The following TRPM3 variants were observed in gnomAD, a reference collection of about 807,000 sequenced individuals.
TRPM3 encodes transient receptor potential cation channel subfamily M member 3.
In TRPM3, 77 loss-of-function variants were observed where a neutral mutation model predicts 181.2. The observed-to-expected ratio is 0.42, with a 90% CI of 0.35 to 0.51. The LOEUF is 0.51. Among genes scored for constraint, TRPM3 ranks in the 20% least tolerant of loss-of-function variants. The pLI is 0.01. For missense variants in TRPM3, 1,759 were observed against 2,196.7 expected, an observed-to-expected ratio of 0.80 and a Z score of 3.98; for synonymous variants, 745 against 796.4, an observed-to-expected ratio of 0.94 and a Z score of 1.09.
intron 1 of TRPM3, among the ~76,000 whole-genome samples, chr9:71,148,612 C>T (rs549481274): frequency 6.6e-6 from 1 of 152,144 alleles, no homozygotes; most frequent in South Asian, 2.1e-4. Flanking sequence ...ACCAAGAAAA[C>T]ATGAACCAAG....
At chr9:70,600,119 G>A (rs1255178558) in intron 20 of TRPM3, among the ~76,000 whole-genome samples, 2 of 152,128 alleles carry the variant, frequency 1.3e-5, no homozygotes, top group African/African-American at 4.8e-5. Context: ...TCTATGAAAT[G>A]CACAGCTGGA....
intron 1 of TRPM3, among the ~76,000 whole-genome samples, chr9:71,169,529 C>A (rs985224638): frequency 6.6e-6 from 1 of 152,102 alleles, no homozygotes; most frequent in Admixed American, 6.5e-5. Context: ...AAACATATTT[C>A]GAGGCAGGTG....
chr9:70,950,722 A>G (rs2096988749), intron 1 of TRPM3, among the ~76,000 whole-genome samples: 1 of 152,156 alleles, frequency 6.6e-6, no homozygotes, highest in Admixed American at 6.5e-5. Flanking sequence ...TAAGAAGCCA[A>G]AAAGACCTGC....
At chr9:71,130,214 ATATAT>A (rs1354027213) in intron 1 of TRPM3, among the ~76,000 whole-genome samples, 3 of 152,210 alleles carry the variant, frequency 2.0e-5, no homozygotes, top group Non-Finnish European at 2.9e-5. Flanking sequence ...TAAACTCTTG[ATATAT>A]TATATAAGGT....
chr9:71,301,665 G>A (rs552063322), intron 1 of TRPM3, among the ~76,000 whole-genome samples: 1 of 152,252 alleles, frequency 6.6e-6, no homozygotes, highest in African/African-American at 2.4e-5. Context: ...TAAGGGGAAA[G>A]AATACATGAA....
chr9:71,374,211 T>C (rs1309374797), intron 1 of TRPM3, among the ~76,000 whole-genome samples: 1 of 151,824 alleles, frequency 6.6e-6, no homozygotes, highest in Non-Finnish European at 1.5e-5. Context: ...CCATCTCTAC[T>C]AAAAATACAA....
At chr9:71,408,140 G>T (rs1185121108) in intron 1 of TRPM3, among the ~76,000 whole-genome samples, 1 of 152,174 alleles carries the variant, frequency 6.6e-6, no homozygotes, top group Admixed American at 6.5e-5. Flanking sequence ...CCACAAAGAT[G>T]GGGAGAAACC....
intron 1 of TRPM3, among the ~76,000 whole-genome samples, chr9:71,023,345 C>T (rs556677142): frequency 1.3e-5 from 2 of 152,084 alleles, no homozygotes; most frequent in Admixed American, 6.5e-5. Flanking sequence ...ATACTAAATG[C>T]TAGTAAGGAT....
intron 1 of TRPM3, among the ~76,000 whole-genome samples, chr9:71,275,235 C>A (rs2084104236): frequency 6.6e-6 from 1 of 152,118 alleles, no homozygotes; most frequent in Non-Finnish European, 1.5e-5. Context: ...TAAATCATTT[C>A]AATTTCTATT....
At position 70,531,294 on chromosome 9, in the gene TRPM3, A is replaced by G. The variant is rs545319535; in HGVS notation, c.*4659T>C. The G allele has an allele frequency of 6.6e-6, 1 of 152,342 alleles. No homozygotes were observed. The highest frequency in any genetic ancestry group is 2.1e-4 in the South Asian group (1 of 4,820). The allele number at this position is 152,342 out of a possible 1,614,324, so 9.4% of individuals were successfully genotyped here. ...CATATTATTTGTTCAGTGCTTAAAA[A>G]AAAGATTTAAAAATCCCTTGGTTAC... On this transcript the variant is annotated 3_prime_UTR_variant, in exon 26 of 26. Coordinates refer to ENST00000677713, the MANE Select transcript of TRPM3 (RefSeq NM_001366145.2).
chr9:71,011,700 T>C (rs1017878580), intron 1 of TRPM3, among the ~76,000 whole-genome samples: 3 of 151,784 alleles, frequency 2.0e-5, no homozygotes, highest in Admixed American at 6.6e-5. Context: ...CTTTACTTAA[T>C]TGCATCTTGA....
At chr9:71,031,577 T>C (rs2057308113) in intron 1 of TRPM3, among the ~76,000 whole-genome samples, 1 of 152,056 alleles carries the variant, frequency 6.6e-6, no homozygotes, top group South Asian at 2.1e-4. Context: ...TATTGCTATG[T>C]TTGTGTTTTC....
chr9:70,871,156 G>A (rs540155416), intron 1 of TRPM3, among the ~76,000 whole-genome samples: 8 of 151,902 alleles, frequency 5.3e-5, no homozygotes, highest in Non-Finnish European at 1.2e-4. Context: ...GAGAAGGTGG[G>A]AGCTGAGTGG....
intron 7 of TRPM3, among the ~76,000 whole-genome samples, chr9:70,766,389 G>A (rs2135373427): frequency 6.6e-6 from 1 of 152,194 alleles, no homozygotes; most frequent in Middle Eastern, 3.4e-3. Flanking sequence ...AATTCAATGG[G>A]AATCTAAGAG....
At chr9:71,104,090 T>G (rs1230084407) in intron 1 of TRPM3, among the ~76,000 whole-genome samples, 1 of 152,072 alleles carries the variant, frequency 6.6e-6, no homozygotes, top group Non-Finnish European at 1.5e-5. Context: ...AATTTTGCAT[T>G]TTTTTAGTAG....
chr9:71,161,097 A>G (rs2076253920), intron 1 of TRPM3, among the ~76,000 whole-genome samples: 1 of 152,192 alleles, frequency 6.6e-6, no homozygotes, highest in South Asian at 2.1e-4. Context: ...TCCATCAAAT[A>G]AATGAAAATT....
At chr9:71,324,838 A>G (rs1297775126) in intron 1 of TRPM3, among the ~76,000 whole-genome samples, 1 of 152,166 alleles carries the variant, frequency 6.6e-6, no homozygotes, top group Non-Finnish European at 1.5e-5. Context: ...ATAGGAGGTC[A>G]TTATCTTAAG....
chr9:70,803,652 G>T (rs1254334570), intron 6 of TRPM3, among the ~76,000 whole-genome samples: 8 of 151,676 alleles, frequency 5.3e-5, no homozygotes. Context: ...GGGTTTCACC[G>T]TGTTAGCCAG....
chr9:71,359,503 T>C (rs540939862), intron 1 of TRPM3, among the ~76,000 whole-genome samples: 2 of 152,326 alleles, frequency 1.3e-5, no homozygotes, highest in African/African-American at 4.8e-5. Context: ...AGACCTCTGC[T>C]ATTAACCCAC....
Sources: gnomAD v4.1 joint callset for allele counts (sites outside exome capture counted in the v4.1 genomes callset) on GRCh38, gnomAD v4.1.1 for gene constraint, MANE v1.5 for transcripts, NCBI Gene and HGNC (gene_info 2026-07-23, HGNC 2026-07-21) for gene names.